The following NECTIN1 variants were observed in gnomAD, a reference collection of about 807,000 sequenced individuals.
The protein encoded by NECTIN1 is nectin-1.
A neutral mutation model predicts 48.0 loss-of-function variants in NECTIN1; 23 were observed. That is an observed-to-expected ratio of 0.48 (90% CI 0.34 to 0.68). NECTIN1 has a LOEUF of 0.68. Among genes scored for constraint, NECTIN1 ranks in the 30% least tolerant of loss-of-function variants. NECTIN1 has a pLI of 0.01. For missense variants in NECTIN1, 591 were observed against 709.9 expected (o/e 0.83, Z 1.90); for synonymous variants, 270 against 288.9 (o/e 0.93, Z 0.66).
intron 5 of NECTIN1, among the ~76,000 whole-genome samples, chr11:119,652,926 C>T (rs1178868303): frequency 6.6e-6 from 1 of 152,222 alleles, no homozygotes; most frequent in Non-Finnish European, 1.5e-5. Context: ...GTGGCCTTTT[C>T]ACACTTTGGG....
Position 119,727,577 on chromosome 11 carries a change from A to C in NECTIN1, c.79+898T>G, listed in dbSNP as rs1331063584. On this transcript the variant is annotated intron_variant, in intron 1 of 5. Coordinates refer to ENST00000264025, the MANE Select transcript of NECTIN1 (RefSeq NM_002855.5). The surrounding 1 kb of genome is among the most constrained non-coding windows in gnomAD (Gnocchi z 4.1). ...GGACTCGGTCGGATTTGCCTCCTAA[A>C]CGCATTTTCCAGTTCATTCCCCAGC... 6.6e-6 allele frequency among the ~76,000 whole-genome samples: 1 copy of C among 151,982 alleles called. No homozygotes were observed. Among genetic ancestry groups the C allele is most frequent in the East Asian group, 1.9e-4 (1 of 5,162 alleles).
In NECTIN1 at chr11:119,676,327, A is replaced by G. The variant is rs1325082073; in HGVS notation, c.851+775T>C. 2.0e-5 allele frequency among the ~76,000 whole-genome samples: 3 copies of G among 152,224 alleles called. No homozygotes were observed. The East Asian group carries it at 5.8e-4, about 29-fold the overall frequency. ...TGAAACCAGCCAGCAGGCTCTGCCC[A>G]CTCACACCTTCAGAAGCACTTTTTA... On this transcript the variant is annotated intron_variant, in intron 4 of 5. Coordinates refer to ENST00000264025, the MANE Select transcript of NECTIN1 (RefSeq NM_002855.5).
At position 119,672,691 on chromosome 11, in the gene NECTIN1, C is replaced by T. The variant is rs528319863; in HGVS notation, c.1003+2468G>A. Among the ~76,000 whole-genome samples, 4 of 152,286 alleles carry T rather than the reference C, an allele frequency of 2.6e-5. No individual in the cohort carries two copies. The East Asian group carries it at 5.8e-4, about 22-fold the overall frequency. The stretch of plus-strand genomic sequence containing the variant: ...AGAGCCCTTCAGAGACTCCCTGTGG[C>T]CAACAGAGAGAAGGCCTTGCTCCTT... On this transcript the variant is annotated intron_variant, in intron 5 of 5. Coordinates refer to ENST00000264025, the MANE Select transcript of NECTIN1 (RefSeq NM_002855.5). This position sits in a 1 kb window ranked among gnomAD's most constrained non-coding sequence, Gnocchi z 4.3.
At chr11:119,713,389 A>T (rs1415256249) in intron 1 of NECTIN1, among the ~76,000 whole-genome samples, 1 of 152,030 alleles carries the variant, frequency 6.6e-6, no homozygotes, top group African/African-American at 2.4e-5. Context: ...AGGAAGAAAA[A>T]ACCATCCATG....
chr11:119,706,922 A>G (rs7104655), intron 1 of NECTIN1, among the ~76,000 whole-genome samples: 147,113 of 152,300 alleles, frequency 0.97, 71,084 homozygotes, highest in South Asian at 0.98. Context: ...GGTGTAGGGC[A>G]TCCAAGGGCA....
At chr11:119,720,727 G>C (rs1311908810) in intron 1 of NECTIN1, among the ~76,000 whole-genome samples, 1 of 152,198 alleles carries the variant, frequency 6.6e-6, no homozygotes, top group Non-Finnish European at 1.5e-5. Flanking sequence ...AAAGCAGAGG[G>C]GAAGGTACAG....
chr11:119,674,656 A>G (rs1864918365), intron 5 of NECTIN1: 5 of 1,614,200 alleles, frequency 3.1e-6, no homozygotes, highest in Non-Finnish European at 4.2e-6. Flanking sequence ...AGCTGCAGGG[A>G]AAGCTCAGTT....
chr11:119,675,461 A>G, intron 4 of NECTIN1, 151 bp from the exon 5 acceptor site: 1 of 694,548 alleles, frequency 1.4e-6, no homozygotes, highest in Non-Finnish European at 2.5e-6. Context: ...AATAATAATA[A>G]TCTCTTTCAC....
chr11:119,671,317 G>A (rs983984920), intron 5 of NECTIN1, among the ~76,000 whole-genome samples: 2 of 152,064 alleles, frequency 1.3e-5, no homozygotes, highest in African/African-American at 4.8e-5. Flanking sequence ...TTGCTGGCAG[G>A]GGCCCAGCCA....
At chr11:119,698,643 TTGCCTTACCC>T (rs1178208637) in intron 1 of NECTIN1, among the ~76,000 whole-genome samples, 1 of 152,198 alleles carries the variant, frequency 6.6e-6, no homozygotes, top group African/African-American at 2.4e-5. Context: ...CATTGGCAAG[TTGCCTTACCC>T]TGTGAGCCTC....
rs1865113060 is a variant in NECTIN1 at position 119,684,134 on chromosome 11, T to C, written c.80-5369A>G. ...ACCCACTTAAAGCAGTTTCTCTTCC[T>C]GCCCTTTTAACCCCCAGACCCCTCT... On this transcript the variant is annotated intron_variant, in intron 1 of 5. Transcript: ENST00000264025. This position sits in a 1 kb window ranked among gnomAD's most constrained non-coding sequence, Gnocchi z 5.2. Among the ~76,000 whole-genome samples the C allele has an allele frequency of 6.6e-6, 1 of 152,258 alleles. No individual in the cohort carries two copies. The highest frequency in any genetic ancestry group is 1.5e-5 in the Non-Finnish European group (1 of 68,046).
intron 1 of NECTIN1, among the ~76,000 whole-genome samples, chr11:119,701,603 C>T (rs959525883): frequency 1.3e-5 from 2 of 151,930 alleles, no homozygotes; most frequent in Non-Finnish European, 2.9e-5. Context: ...TTCCAAAGCC[C>T]AAACCTGGCC....
chr11:119,671,162 G>T (rs1051969690), intron 5 of NECTIN1, among the ~76,000 whole-genome samples: 4 of 151,606 alleles, frequency 2.6e-5, no homozygotes, highest in African/African-American at 7.3e-5. Context: ...GGGCTGTCTG[G>T]CGTGGAGTGG....
chr11:119,690,422 T>C (rs907111546), intron 1 of NECTIN1, among the ~76,000 whole-genome samples: 1 of 152,204 alleles, frequency 6.6e-6, no homozygotes, highest in African/African-American at 2.4e-5. Flanking sequence ...GTGGCAGTCT[T>C]TATCCGATGT....
At chr11:119,671,699 G>C (rs1864863745) in intron 5 of NECTIN1, among the ~76,000 whole-genome samples, 1 of 152,190 alleles carries the variant, frequency 6.6e-6, no homozygotes, top group Non-Finnish European at 1.5e-5. Context: ...CAGCCACAGG[G>C]AGAGTGGGGA....
chr11:119,715,148 C>G (rs1331799528), intron 1 of NECTIN1, among the ~76,000 whole-genome samples: 1 of 152,162 alleles, frequency 6.6e-6, no homozygotes, highest in Non-Finnish European at 1.5e-5. Context: ...GGATGACCAA[C>G]AGGCCAGAAT....
chr11:119,688,469 G>C (rs1402552087), intron 1 of NECTIN1, among the ~76,000 whole-genome samples: 1 of 152,120 alleles, frequency 6.6e-6, no homozygotes, highest in African/African-American at 2.4e-5. Flanking sequence ...GTGGGGGGCT[G>C]TCCTGTGTGT....
At chr11:119,722,539 G>A (rs934926117) in intron 1 of NECTIN1, among the ~76,000 whole-genome samples, 2 of 152,256 alleles carry the variant, frequency 1.3e-5, no homozygotes, top group African/African-American at 2.4e-5. Context: ...CCCCAGCTGG[G>A]CCACAGCCAG....
chr11:119,672,062 G>C lies in NECTIN1; in HGVS notation c.1003+3097C>G, dbSNP rs1234493690. Reference sequence around the variant, plus strand: ...CCCTTCCAGGACACTGGCCTTCAAGGCCCGCAATTCTGGGTCTGAAGAACT... The same window carrying C: ...CCCTTCCAGGACACTGGCCTTCAAGCCCCGCAATTCTGGGTCTGAAGAACT... On this transcript the variant is annotated intron_variant, in intron 5 of 5. Coordinates refer to ENST00000264025, the MANE Select transcript of NECTIN1 (RefSeq NM_002855.5). The surrounding 1 kb of genome is among the most constrained non-coding windows in gnomAD (Gnocchi z 4.3). 7.9e-5 allele frequency among the ~76,000 whole-genome samples: 12 copies of C among 152,238 alleles called. No individual in the cohort carries two copies. Among genetic ancestry groups the C allele is most frequent in the Admixed American group, 7.2e-4 (11 of 15,290 alleles).
Sources: gnomAD v4.1 joint callset for allele counts (sites outside exome capture counted in the v4.1 genomes callset) on GRCh38, gnomAD v4.1.1 for gene constraint, Gnocchi (gnomAD v3.1) non-coding constraint, MANE v1.5 for transcripts, NCBI Gene and HGNC (gene_info 2026-07-23, HGNC 2026-07-21) for gene names.